The following HOOK3 variants were observed in gnomAD, a reference collection of about 807,000 sequenced individuals.
The protein encoded by HOOK3 is hook microtubule tethering protein 3, also known as protein Hook homolog 3.
A neutral mutation model predicts 116.3 loss-of-function variants in HOOK3; 24 were observed. The observed-to-expected ratio is 0.21, with a 90% CI of 0.15 to 0.29. HOOK3 has a LOEUF of 0.29. Among genes scored for constraint, HOOK3 ranks in the 10% least tolerant of loss-of-function variants. HOOK3 has a pLI of 1.00. For synonymous variants in HOOK3, 275 were observed against 283.0 expected, an observed-to-expected ratio of 0.97 and a Z score of 0.28; for missense variants, 632 against 830.2, an observed-to-expected ratio of 0.76 and a Z score of 2.93.
At chr8:42,955,583 A>G (rs1309011587) in intron 6 of HOOK3, among the ~76,000 whole-genome samples, 1 of 152,226 alleles carries the variant, frequency 6.6e-6, no homozygotes, top group Admixed American at 6.5e-5. Flanking sequence ...AATGGTAGAC[A>G]ATGTTAGCAG....
chr8:42,953,487 T>A (rs1200134304), intron 6 of HOOK3, among the ~76,000 whole-genome samples: 2 of 151,540 alleles, frequency 1.3e-5, no homozygotes, highest in African/African-American at 4.8e-5. Context: ...TGGCTTCAAT[T>A]TGGGAGCCGG....
At chr8:42,962,569 G>T (rs1413809235) in intron 8 of HOOK3, among the ~76,000 whole-genome samples, 1 of 151,360 alleles carries the variant, frequency 6.6e-6, no homozygotes, top group Non-Finnish European at 1.5e-5. Context: ...ACCACACCCA[G>T]CTAATTTTTT....
chr8:42,982,801 A>G (rs1808977273), intron 14 of HOOK3, 105 bp downstream of exon 14: 2 of 746,430 alleles, frequency 2.7e-6, no homozygotes, highest in East Asian at 2.6e-5. Context: ...TCTCACCGAC[A>G]CTTTCAACAT....
At chr8:42,941,716 T>C (rs1480137812) in intron 4 of HOOK3, among the ~76,000 whole-genome samples, 3 of 152,144 alleles carry the variant, frequency 2.0e-5, no homozygotes, top group African/African-American at 2.4e-5. Flanking sequence ...ACATAACTTA[T>C]GAGGACCTAA....
intron 1 of HOOK3, among the ~76,000 whole-genome samples, chr8:42,903,487 G>A (rs370333012): frequency 1.5e-3 from 219 of 150,270 alleles, no homozygotes; most frequent in African/African-American, 5.1e-3. Context: ...TGGGACTACA[G>A]GCGCCCGCCA....
Position 42,950,310 on chromosome 8 carries a change from A to C in HOOK3, c.401-78A>C, listed in dbSNP as rs143072284. On this transcript the variant is annotated intron_variant, in intron 5 of 21. Transcript: ENST00000307602. Reference sequence around the variant, plus strand: ...AAACACAGGGAAATGACTTATAAGAATTTATGAAGTATGAGCCTTGATTCC... The same window carrying C: ...AAACACAGGGAAATGACTTATAAGACTTTATGAAGTATGAGCCTTGATTCC... The C allele has an allele frequency of 3.3e-6, 3 of 908,840 alleles. No individual in the cohort carries two copies. In the African/African-American group the frequency reaches 4.9e-5, roughly 15 times the overall value. The allele number at this position is 908,840 out of a possible 1,614,324, so 56.3% of individuals were successfully genotyped here. A position where few individuals can be genotyped will look rare whatever the true frequency, so the allele number is the denominator to read the frequency against.
intron 4 of HOOK3, among the ~76,000 whole-genome samples, chr8:42,938,823 G>A (rs1032677591): frequency 2.0e-5 from 3 of 152,056 alleles, no homozygotes; most frequent in African/African-American, 7.2e-5. Flanking sequence ...ATAAACAAGT[G>A]AACAAAGGTC....
At chr8:42,902,395 C>CT (rs1207700882) in intron 1 of HOOK3, among the ~76,000 whole-genome samples, 1 of 151,986 alleles carries the variant, frequency 6.6e-6, no homozygotes, top group African/African-American at 2.4e-5. Flanking sequence ...CCTCCGCCTC[C>CT]TGAATAGCTG....
Position 42,962,410 on chromosome 8 carries a change from T to G in HOOK3, c.616-1901T>G, listed in dbSNP as rs986535884. 6.1e-5 allele frequency among the ~76,000 whole-genome samples: 9 copies of G among 148,470 alleles called. No individual in the cohort carries two copies. The East Asian group carries it at 1.6e-3, about 26-fold the overall frequency. ...ACCCACTGCACCTGGCCCGTGTGTT[T>G]TTTTTTTTTTTTTTGAAATAGAGTC... On this transcript the variant is annotated intron_variant, in intron 8 of 21. Coordinates refer to ENST00000307602, the MANE Select transcript of HOOK3 (RefSeq NM_032410.4).
At chr8:42,902,125 G>A (rs1807202154) in intron 1 of HOOK3, among the ~76,000 whole-genome samples, 1 of 152,040 alleles carries the variant, frequency 6.6e-6, no homozygotes, top group South Asian at 2.1e-4. Flanking sequence ...CTTTCATAGT[G>A]CTTTGGATCA....
intron 2 of HOOK3, among the ~76,000 whole-genome samples, chr8:42,924,337 C>G (rs1229994874): frequency 6.6e-6 from 1 of 151,838 alleles, no homozygotes; most frequent in East Asian, 1.9e-4. Context: ...CCCTTCCTCC[C>G]TTCCTTCCTT....
intron 13 of HOOK3, among the ~76,000 whole-genome samples, chr8:42,976,486 GACA>G (rs1415746897): frequency 6.6e-6 from 1 of 152,058 alleles, no homozygotes; most frequent in Non-Finnish European, 1.5e-5. Flanking sequence ...TTCCAGCCTG[GACA>G]ACAAAAAGGA....
intron 2 of HOOK3, among the ~76,000 whole-genome samples, chr8:42,907,819 A>G: frequency 7.1e-6 from 1 of 140,366 alleles, no homozygotes; most frequent in African/African-American, 3.1e-5. Flanking sequence ...AACGAGGCAA[A>G]AAAAAAAAAA....
At chr8:42,917,984 A>G (rs955320974) in intron 2 of HOOK3, among the ~76,000 whole-genome samples, 19 of 152,370 alleles carry the variant, frequency 1.2e-4, no homozygotes, top group Admixed American at 5.9e-4. Context: ...CTAAGAATCA[A>G]TGTATCTGTA....
chr8:42,950,311 T>C (rs1336354314), intron 5 of HOOK3, 77 bp from the exon 6 acceptor site: 3 of 915,600 alleles, frequency 3.3e-6, no homozygotes, highest in Non-Finnish European at 5.3e-6. Flanking sequence ...CTTATAAGAA[T>C]TTATGAAGTA....
At chr8:43,003,578 GA>G (rs1177417100) in intron 17 of HOOK3, among the ~76,000 whole-genome samples, 1 of 152,174 alleles carries the variant, frequency 6.6e-6, no homozygotes, top group African/African-American at 2.4e-5. Context: ...AGTGAAGATG[GA>G]GCCTGTATTA....
intron 15 of HOOK3, among the ~76,000 whole-genome samples, chr8:42,989,966 T>C (rs1368688425): frequency 1.3e-5 from 2 of 152,174 alleles, no homozygotes; most frequent in South Asian, 2.1e-4. Flanking sequence ...CATCTACATA[T>C]ACCACATTTT....
At chr8:42,946,300 T>C (rs910844031) in intron 5 of HOOK3, among the ~76,000 whole-genome samples, 2 of 152,090 alleles carry the variant, frequency 1.3e-5, no homozygotes, top group Non-Finnish European at 2.9e-5. Flanking sequence ...AGGGAAGTTA[T>C]TTAAGCAAAG....
Position 42,913,629 on chromosome 8 carries a change from C to T in HOOK3, c.143+7371C>T, listed in dbSNP as rs1042520887. Among the ~76,000 whole-genome samples the T allele has an allele frequency of 1.6e-4, 25 of 152,168 alleles. 2 individuals carry two copies. Among genetic ancestry groups the T allele is most frequent in the Non-Finnish European group, 2.9e-5 (2 of 68,020 alleles). Reference sequence around the variant, plus strand: ...TGCTTCAGTTTCCCTTGGGTTTATTCTGTTTCACCTAGGAGAGGAGTGGCT... The same window carrying T: ...TGCTTCAGTTTCCCTTGGGTTTATTTTGTTTCACCTAGGAGAGGAGTGGCT... On this transcript the variant is annotated intron_variant, in intron 2 of 21. Transcript: ENST00000307602.
Sources: allele counts gnomAD v4.1 joint callset (sites outside exome capture counted in the v4.1 genomes callset), GRCh38; gene constraint gnomAD v4.1.1; transcripts MANE v1.5; gene names NCBI Gene and HGNC (gene_info 2026-07-23, HGNC 2026-07-21).